The following PPIL2 variants were observed in gnomAD, a reference collection of about 807,000 sequenced individuals.
PPIL2 encodes the protein RING-type E3 ubiquitin-protein ligase PPIL2.
A neutral mutation model predicts 75.2 loss-of-function variants in PPIL2; 50 were observed. The ratio of observed to expected loss-of-function variants is 0.66; its 90% CI spans 0.53 to 0.84. PPIL2 has a LOEUF of 0.84. Ranked by LOEUF, PPIL2 falls within the 40% of genes least tolerant of loss-of-function variation. PPIL2 has a pLI of 0.00. For missense variants in PPIL2, 590 were observed against 685.0 expected, an observed-to-expected ratio of 0.86 and a Z score of 1.55; for synonymous variants, 245 against 258.8, an observed-to-expected ratio of 0.95 and a Z score of 0.51.
At chr22:21,671,553 A>G (rs2066635019) in intron 4 of PPIL2, among the ~76,000 whole-genome samples, 2 of 151,536 alleles carry the variant, frequency 1.3e-5, no homozygotes, top group Admixed American at 6.6e-5. Context: ...ATTCTCTGAA[A>G]GTATAGTTTT....
intron 13 of PPIL2, 108 bp from the exon 14 acceptor site, chr22:21,687,965 C>T: frequency 7.0e-7 from 1 of 1,429,320 alleles, no homozygotes; most frequent in Non-Finnish European, 9.8e-7. Context: ...TCACCAAGAG[C>T]CCAGCCCCTG....
chr22:21,678,269 T>G (rs2066961546), intron 6 of PPIL2, among the ~76,000 whole-genome samples: 1 of 152,178 alleles, frequency 6.6e-6, no homozygotes, highest in African/African-American at 2.4e-5. Flanking sequence ...GAGGTCTCTG[T>G]CACCCAGGCT....
At chr22:21,676,210 C>T (rs2066835231) in intron 6 of PPIL2, among the ~76,000 whole-genome samples, 2 of 147,382 alleles carry the variant, frequency 1.4e-5, no homozygotes, top group South Asian at 4.2e-4. Context: ...CCCTGGTGGC[C>T]GAGGGTGGGC....
intron 15 of PPIL2, among the ~76,000 whole-genome samples, chr22:21,690,955 CT>C (rs2067596038): frequency 8.9e-6 from 1 of 112,132 alleles, no homozygotes; most frequent in Non-Finnish European, 1.8e-5. Flanking sequence ...TTGCCACCTT[CT>C]CTTTTTTTTT....
In PPIL2 at chr22:21,696,034, C is replaced by A; in HGVS notation, c.*544C>A. 1 of 589,296 alleles carries A rather than the reference C, an allele frequency of 1.7e-6. No individual in the cohort carries two copies. Among genetic ancestry groups the A allele is most frequent in the Non-Finnish European group, 2.2e-6 (1 of 463,186 alleles). The allele number at this position is 589,296 out of a possible 1,614,324, so 36.5% of individuals were successfully genotyped here. On this transcript the variant is annotated 3_prime_UTR_variant, in exon 20 of 20. Coordinates refer to ENST00000398831, the MANE Select transcript of PPIL2 (RefSeq NM_014337.4). ...CCTACTTCTGTCATCTTCTCAGGGA[C>A]AGCCTATTTATACAACCAGTGTGGT...
At chr22:21,682,259 G>T (rs1245691556) in intron 7 of PPIL2, among the ~76,000 whole-genome samples, 178 bp from the exon 8 acceptor site, 2 of 152,200 alleles carry the variant, frequency 1.3e-5, no homozygotes, top group East Asian at 3.8e-4. Flanking sequence ...GGCCCAGCCA[G>T]CTCCGCCTCT....
chr22:21,681,220 C>G, intron 6 of PPIL2, 79 bp from the exon 7 acceptor site: 2 of 1,205,822 alleles, frequency 1.7e-6, no homozygotes, highest in South Asian at 2.5e-5. Context: ...TCTGTCCTGC[C>G]CTGGCCCTCT....
intron 13 of PPIL2, 34 bp from the exon 14 acceptor site, chr22:21,688,039 A>T: frequency 6.2e-7 from 1 of 1,614,090 alleles, no homozygotes; most frequent in Middle Eastern, 1.6e-4. Context: ...CGGGTCTCAG[A>T]GTGTGACTTG....
At chr22:21,686,829 G>T in intron 11 of PPIL2, 63 bp from the exon 12 acceptor site, 1 of 1,499,986 alleles carries the variant, frequency 6.7e-7, no homozygotes, top group Non-Finnish European at 9.3e-7. Flanking sequence ...GGTCGGTGCT[G>T]CCTGGCATGG....
Position 21,681,256 on chromosome 22 carries a change from C to T in PPIL2, c.296-43C>T, listed in dbSNP as rs746250220. ...GCGGTCCTCACTGGGATGTTCACAG[C>T]CCACAGAGGTGACTGGCCTCCCTGT... On this transcript the variant is annotated intron_variant, in intron 6 of 19. Coordinates refer to ENST00000398831, the MANE Select transcript of PPIL2 (RefSeq NM_014337.4). The T allele has an allele frequency of 2.7e-6, 4 of 1,506,688 alleles. No individual in the cohort carries two copies. In the East Asian group the frequency reaches 9.0e-5, roughly 34 times the overall value. 93.3% of individuals were successfully genotyped at this position (1,506,688 alleles called of 1,614,324 possible). A position where few individuals can be genotyped will look rare whatever the true frequency, so the allele number is the denominator to read the frequency against.
intron 8 of PPIL2, among the ~76,000 whole-genome samples, chr22:21,682,948 G>A (rs2067194035): frequency 6.6e-6 from 1 of 152,146 alleles, no homozygotes; most frequent in Admixed American, 6.5e-5. Context: ...CTGGAGGAAG[G>A]TCACAGCTCA....
chr22:21,699,547 C>T (rs2068042701), downstream of PPIL2: 1 of 152,510 alleles, frequency 6.6e-6, no homozygotes, highest in Non-Finnish European at 1.5e-5. Flanking sequence ...ACAGGCCCCT[C>T]TATCAGTTCA....
rs1408469711 is a variant in PPIL2, at chr22:21,696,753, G to A, written c.*1263G>A. The A allele has an allele frequency of 6.5e-7, 1 of 1,541,840 alleles. No individual in the cohort carries two copies. The highest frequency in any genetic ancestry group is 8.7e-7 in the Non-Finnish European group (1 of 1,146,852). On this transcript the variant is annotated 3_prime_UTR_variant, in exon 20 of 20. Coordinates refer to ENST00000398831, the MANE Select transcript of PPIL2 (RefSeq NM_014337.4). ...CAAATCTTGAACCTGTCAGCAACTT[G>A]CAGGCTGTACCTCTGCCCTTCCTTT...
chr22:21,692,025 C>T (rs905456856), intron 15 of PPIL2, among the ~76,000 whole-genome samples: 30 of 151,650 alleles, frequency 2.0e-4, no homozygotes, highest in Admixed American at 1.3e-4. Context: ...GGGAGTGCTC[C>T]GTGCCGCCAG....
rs1054206111 is a variant in PPIL2, at chr22:21,697,865, G to A, written c.*2375G>A. ...TATTAAAACCATTTGAATTTTTAAC[G>A]ACCTGATGAGGGCATCAGGTAAATT... On this transcript the variant is annotated 3_prime_UTR_variant, in exon 20 of 20. Coordinates refer to ENST00000398831, the MANE Select transcript of PPIL2 (RefSeq NM_014337.4). 4 of 152,406 alleles carry A rather than the reference G, an allele frequency of 2.6e-5. No homozygotes were observed. The highest frequency in any genetic ancestry group is 1.9e-4 in the East Asian group (1 of 5,328). The allele number at this position is 152,406 out of a possible 1,614,324, so 9.4% of individuals were successfully genotyped here.
At chr22:21,690,838 G>T (rs1410952756) in intron 15 of PPIL2, among the ~76,000 whole-genome samples, 4 of 152,098 alleles carry the variant, frequency 2.6e-5, no homozygotes, top group African/African-American at 9.7e-5. Flanking sequence ...AGTAGGTTGG[G>T]TGCGTGGTTT....
chr22:21,697,112 G>T lies in PPIL2; in HGVS notation c.*1622G>T. 9.8e-7 allele frequency: 1 copy of T among 1,018,060 alleles called. No homozygotes were observed. The highest frequency in any genetic ancestry group is 2.6e-5 in the East Asian group (1 of 38,470). The allele number at this position is 1,018,060 out of a possible 1,614,324, so 63.1% of individuals were successfully genotyped here. ...TCCCTCCCGCCAGGCACTGTCCTCC[G>T]CAAGGCCTGGTGCAGCCCTGGCAGT... On this transcript the variant is annotated 3_prime_UTR_variant, in exon 20 of 20. Transcript: ENST00000398831.
At chr22:21,673,240 T>C (rs1569021053) in intron 5 of PPIL2, among the ~76,000 whole-genome samples, 1 of 152,224 alleles carries the variant, frequency 6.6e-6, no homozygotes, top group Non-Finnish European at 1.5e-5. Flanking sequence ...TGTCTGCTGC[T>C]GGGAGCCACA....
intron 6 of PPIL2, among the ~76,000 whole-genome samples, chr22:21,680,074 C>CAG (rs140802965): frequency 0.25 from 36,759 of 149,240 alleles, 4,506 homozygotes; most frequent in Middle Eastern, 0.31. Flanking sequence ...GCCTGGGCAA[C>CAG]GGCAAGACTC....
Sources: allele counts gnomAD v4.1 joint callset (sites outside exome capture counted in the v4.1 genomes callset), GRCh38; gene constraint gnomAD v4.1.1; transcripts MANE v1.5; gene names NCBI Gene and HGNC (gene_info 2026-07-23, HGNC 2026-07-21).